The following AQR variants were observed in gnomAD, a reference collection of about 807,000 sequenced individuals.
AQR encodes the protein aquarius intron-binding spliceosomal factor.
In AQR, 61 loss-of-function variants were observed where a neutral mutation model predicts 180.5. That is an observed-to-expected ratio of 0.34 (90% CI 0.28 to 0.42). The LOEUF (loss-of-function observed/expected upper bound fraction) is 0.42, where lower values mean the gene tolerates loss of function less well. Among genes scored for constraint, AQR ranks in the 10% least tolerant of loss-of-function variants. AQR has a pLI of 1.00. For missense variants in AQR, 1,281 were observed against 1,798.3 expected (o/e 0.71, Z 5.20); for synonymous variants, 551 against 588.8 (o/e 0.94, Z 0.93).
intron 30 of AQR, among the ~76,000 whole-genome samples, 179 bp from the exon 31 acceptor site, chr15:34,871,101 T>C (rs1892809727): frequency 6.6e-6 from 1 of 152,168 alleles, no homozygotes; most frequent in African/African-American, 2.4e-5. Flanking sequence ...TATGCTACAT[T>C]AACAGTGATA....
chr15:34,878,993 A>C (rs568286879), intron 27 of AQR, among the ~76,000 whole-genome samples: 1 of 151,832 alleles, frequency 6.6e-6, no homozygotes, highest in South Asian at 2.1e-4. Context: ...GCGCCACTGC[A>C]CTCTAGCCTG....
chr15:34,916,215 A>C (rs1246036204), intron 15 of AQR, among the ~76,000 whole-genome samples: 1 of 152,198 alleles, frequency 6.6e-6, no homozygotes. Context: ...TGCATAAATC[A>C]ATCTCCAATG....
chr15:34,900,590 C>T (rs758681462), intron 20 of AQR, 32 bp downstream of exon 20: 1 of 1,598,644 alleles, frequency 6.3e-7, no homozygotes, highest in African/African-American at 1.3e-5. Flanking sequence ...CTACAGAATG[C>T]TGGAGAGGAG....
At chr15:34,871,131 C>G (rs1413095297) in intron 30 of AQR, among the ~76,000 whole-genome samples, 2 of 152,090 alleles carry the variant, frequency 1.3e-5, no homozygotes, top group Non-Finnish European at 2.9e-5. Flanking sequence ...TTTTAATTTG[C>G]AATACATGGA....
chr15:34,919,779 T>C (rs1893655919), intron 14 of AQR, among the ~76,000 whole-genome samples: 1 of 152,008 alleles, frequency 6.6e-6, no homozygotes, highest in African/African-American at 2.4e-5. Context: ...ACATCTGTAA[T>C]ACCAGCTACT....
In AQR at chr15:34,940,305, C is replaced by T. The variant is rs555221150; in HGVS notation, c.641+594G>A. Among the ~76,000 whole-genome samples, 57 of 152,218 alleles carry T rather than the reference C, an allele frequency of 3.7e-4. 2 individuals carry two copies. In the South Asian group the frequency reaches 3.9e-3, roughly 11 times the overall value. ...CAGCACTTTAGGAGGCCGAGGCAGGCGGATCACCTAAGGTCGGGAGTTTGA... is the reference window on the plus strand; with the variant it reads ...CAGCACTTTAGGAGGCCGAGGCAGGTGGATCACCTAAGGTCGGGAGTTTGA... On this transcript the variant is annotated intron_variant, in intron 8 of 34. Coordinates refer to ENST00000156471, the MANE Select transcript of AQR (RefSeq NM_014691.3).
At chr15:34,958,976 TATAGATATAGATATAGATATAG>T (rs1251426830) in intron 3 of AQR, among the ~76,000 whole-genome samples, 2 of 2,694 alleles carry the variant, frequency 7.4e-4, no homozygotes, top group Non-Finnish European at 3.9e-3. Context: ...CATATAGATA[TATAGATATAGATATAGATATAG>T]ATATAGATAT....
chr15:34,902,486 C>T (rs980587754), intron 19 of AQR, among the ~76,000 whole-genome samples: 13 of 152,066 alleles, frequency 8.5e-5, no homozygotes, highest in African/African-American at 3.1e-4. Flanking sequence ...AAACTAAATG[C>T]CTCCTTTGAA....
intron 26 of AQR, among the ~76,000 whole-genome samples, chr15:34,883,715 G>A (rs143560597): frequency 1.3e-5 from 2 of 152,270 alleles, no homozygotes; most frequent in East Asian, 3.9e-4. Context: ...GCCTGAATAT[G>A]ATCCCTTTAT....
At chr15:34,872,526 C>T (rs1892834195) in intron 30 of AQR, among the ~76,000 whole-genome samples, 1 of 151,972 alleles carries the variant, frequency 6.6e-6, no homozygotes, top group Admixed American at 6.6e-5. Flanking sequence ...TTCCAAAAAA[C>T]CAATATGTAA....
intron 24 of AQR, among the ~76,000 whole-genome samples, chr15:34,887,260 T>G (rs1198681433): frequency 6.6e-6 from 1 of 152,180 alleles, no homozygotes; most frequent in Non-Finnish European, 1.5e-5. Context: ...TCAATCTTTC[T>G]TTTCACAGCA....
chr15:34,870,482 T>G (rs1892801217), intron 31 of AQR, among the ~76,000 whole-genome samples: 1 of 152,150 alleles, frequency 6.6e-6, no homozygotes, highest in Non-Finnish European at 1.5e-5. Context: ...ACAGTACACA[T>G]ATTATAATGT....
At chr15:34,962,392 G>A (rs1212517556) in intron 2 of AQR, among the ~76,000 whole-genome samples, 5 of 152,074 alleles carry the variant, frequency 3.3e-5, no homozygotes, top group East Asian at 1.9e-4. Flanking sequence ...GGAGGGAGGC[G>A]ATAAGGAAAA....
At chr15:34,894,973 T>C (rs1452080139) in intron 22 of AQR, among the ~76,000 whole-genome samples, 2 of 150,752 alleles carry the variant, frequency 1.3e-5, no homozygotes, top group Non-Finnish European at 3.0e-5. Context: ...AAGACCAGCC[T>C]GGCCAACACA....
Position 34,927,044 on chromosome 15 carries a change from C to A in AQR, c.1109G>T (p.Gly370Val). Residue 370 changes from glycine to valine, a missense_variant, in exon 13 of 35, where the codon GGA becomes GTA. Around this residue, in one of 9 missense-constraint regions of AQR, gnomAD observed 404 missense variants for 490.9 expected, o/e 0.82. Coordinates refer to ENST00000156471, the MANE Select transcript of AQR (RefSeq NM_014691.3). ...TTTCATGTTGTCTTACCTAAGAGGT[C>A]CAAAAAACTTGACCAAGGACTCCCG... ...DTRESLVKFFGPLSSNTLHQV... is the reference protein window; with the variant it reads ...DTRESLVKFFVPLSSNTLHQV... The A allele has an allele frequency of 1.3e-6, 2 of 1,575,672 alleles. No homozygotes were observed. The highest frequency in any genetic ancestry group is 2.3e-5 in the East Asian group (1 of 43,844).
chr15:34,879,556 G>A (rs1566981013), intron 27 of AQR, among the ~76,000 whole-genome samples: 1 of 152,180 alleles, frequency 6.6e-6, no homozygotes, highest in East Asian at 1.9e-4. Context: ...CCAGCATGGG[G>A]ACATAGATTT....
intron 13 of AQR, among the ~76,000 whole-genome samples, chr15:34,922,217 T>C (rs1411062424): frequency 6.6e-6 from 1 of 152,226 alleles, no homozygotes; most frequent in Admixed American, 6.5e-5. Context: ...TCCTTTACGT[T>C]GCTGAGCAGT....
Position 34,940,966 on chromosome 15 carries a change from T to C in AQR, c.574A>G (p.Lys192Glu). 6.2e-7 allele frequency: 1 copy of C among 1,609,900 alleles called. No individual in the cohort carries two copies. The highest frequency in any genetic ancestry group is 8.5e-7 in the Non-Finnish European group (1 of 1,178,332). The change falls in exon 8 of 35, where the codon AAG becomes GAG. Residue 192 changes from lysine (K) to glutamate (E), a missense_variant. Transcript: ENST00000156471. ...RLELELKKTPKLRKFWNLIKK... is the reference protein window; with the variant it reads ...RLELELKKTPELRKFWNLIKK... Reference sequence around the variant, plus strand: ...ATCAAGTTCCAGAATTTTCTTAGCTTAGGTGTCTTTTTTAATTCTAATTCC... The same window carrying C: ...ATCAAGTTCCAGAATTTTCTTAGCTCAGGTGTCTTTTTTAATTCTAATTCC...
chr15:34,890,350 C>T lies in AQR; in HGVS notation c.2572-26G>A, dbSNP rs372959497. 9.4e-6 allele frequency: 15 copies of T among 1,588,150 alleles called. 1 individual carries two copies. Among genetic ancestry groups the T allele is most frequent in the African/African-American group, 4.1e-5 (3 of 73,874 alleles). On this transcript the variant is annotated intron_variant, in intron 23 of 34. Coordinates refer to ENST00000156471, the MANE Select transcript of AQR (RefSeq NM_014691.3). Reference sequence around the variant, plus strand: ...CTAGACAATAAAGCAAGAAGGGTGACGGCACCTTTAAACGTAGCAAAAACT... The same window carrying T: ...CTAGACAATAAAGCAAGAAGGGTGATGGCACCTTTAAACGTAGCAAAAACT...
Sources: gnomAD v4.1 joint callset for allele counts (sites outside exome capture counted in the v4.1 genomes callset) on GRCh38, gnomAD v4.1.1 for gene constraint, gnomAD v4.1.1 regional missense constraint, MANE v1.5 for transcripts, NCBI Gene and HGNC (gene_info 2026-07-23, HGNC 2026-07-21) for gene names.